TMEM59L: variants seen among roughly 807,000 people sequenced by gnomAD.
TMEM59L encodes the protein transmembrane protein 59 like, also known as transmembrane protein 59-like.
A neutral mutation model predicts 39.6 loss-of-function variants in TMEM59L; 31 were observed. The observed-to-expected ratio is 0.78, with a 90% CI of 0.59 to 1.06. TMEM59L has a LOEUF of 1.06. Among genes scored for constraint, TMEM59L ranks in the 50% least tolerant of loss-of-function variants. TMEM59L has a pLI of 0.00. For missense variants in TMEM59L, 441 were observed against 451.3 expected (o/e 0.98, Z 0.21); for synonymous variants, 219 against 202.9 (o/e 1.08, Z -0.68).
chr19:18,618,148 C>T lies in TMEM59L; in HGVS notation c.665-7C>T, dbSNP rs199879621. ...TGGTGGTCGCTGAGTGGCAGCTGATCTCTCAGACCCTGTAGGCCCCCTGGA... is the reference window on the plus strand; with the variant it reads ...TGGTGGTCGCTGAGTGGCAGCTGATTTCTCAGACCCTGTAGGCCCCCTGGA... On this transcript the variant is annotated splice_region_variant and splice_polypyrimidine_tract_variant and intron_variant, in intron 5 of 7. Coordinates refer to ENST00000262817, the MANE Select transcript of TMEM59L (RefSeq NM_012109.3). 1.5e-3 allele frequency: 2,354 copies of T among 1,611,174 alleles called. 1 individual carries two copies. The highest frequency in any genetic ancestry group is 1.8e-3 in the Non-Finnish European group (2,168 of 1,177,582).
At chr19:18,617,830 C>T in intron 5 of TMEM59L, 2 of 424,542 alleles carry the variant, frequency 4.7e-6, no homozygotes, top group South Asian at 4.2e-5. Context: ...TCCTAGGATC[C>T]ATCTCCCAGG....
intron 4 of TMEM59L, 88 bp from the exon 5 acceptor site, chr19:18,616,912 C>G: frequency 1.0e-6 from 1 of 962,930 alleles, no homozygotes. Context: ...ATCAGCTGGG[C>G]GTGGGACATG....
At chr19:18,617,181 C>G (rs1185940300) in intron 5 of TMEM59L, 79 bp downstream of exon 5, 1 of 1,073,442 alleles carries the variant, frequency 9.3e-7, no homozygotes, top group Admixed American at 1.8e-5. Flanking sequence ...AACAGACCTT[C>G]TAGGATCGGG....
chr19:18,612,988 G>A lies in TMEM59L; in HGVS notation c.30G>A (p.Pro10=). The A allele has an allele frequency of 7.5e-7, 1 of 1,330,602 alleles. No individual in the cohort carries two copies. 82.4% of individuals were successfully genotyped at this position (1,330,602 alleles called of 1,614,324 possible). MAAVALMPP[P]LLLLLLLASP... The stretch of plus-strand genomic sequence containing the variant: ...CTGCGGTGGCGCTGATGCCACCGCC[G>A]CTGCTGCTGCTGCTGCTGTTGGCGT... Residue 10 remains proline, a synonymous_variant, in exon 1 of 8, where the codon CCG becomes CCA. Coordinates refer to ENST00000262817, the MANE Select transcript of TMEM59L (RefSeq NM_012109.3). The surrounding 1 kb of genome is among the most constrained non-coding windows in gnomAD (Gnocchi z 6.2).
chr19:18,618,610 T>C, intron 7 of TMEM59L, 118 bp downstream of exon 7: 1 of 816,888 alleles, frequency 1.2e-6, no homozygotes, highest in South Asian at 1.7e-5. Context: ...CAGACATTTT[T>C]TTCTTTTTTC....
chr19:18,617,001 C>T lies in TMEM59L; in HGVS notation c.563C>T (p.Thr188Ile), dbSNP rs1389520023. 6.2e-7 allele frequency: 1 copy of T among 1,606,846 alleles called. No homozygotes were observed. The highest frequency in any genetic ancestry group is 1.3e-5 in the African/African-American group (1 of 74,944). The part of the protein sequence containing the change: ...TDNGKVVVFQ[T>I]QPIVESLGFQ... ...TGTGCTGTCTTGTTCCTGGCCCAGA[C>T]TCAGCCCATAGTGGAGAGCCTCGGC... The change falls in exon 5 of 8, where the codon ACT becomes ATT. Residue 188 changes from threonine (T) to isoleucine (I), a missense_variant and splice_region_variant. Thr to Ile is a moderately conservative substitution (Grantham distance 89, BLOSUM62 -1). Coordinates refer to ENST00000262817, the MANE Select transcript of TMEM59L (RefSeq NM_012109.3).
chr19:18,615,919 A>G, intron 3 of TMEM59L, 56 bp from the exon 4 acceptor site: 2 of 1,581,342 alleles, frequency 1.3e-6, no homozygotes, highest in South Asian at 1.1e-5. Context: ...CCTCCCATTC[A>G]TTGGTTAATG....
At chr19:18,617,362 A>G (rs868126406) in intron 5 of TMEM59L, 4 of 553,074 alleles carry the variant, frequency 7.2e-6, no homozygotes, top group Non-Finnish European at 1.3e-5. Context: ...TGGTCTATTT[A>G]CCAGGGATCC....
Position 18,613,888 on chromosome 19 carries a change from CCTCCGAGT to C in TMEM59L, c.193_200del (p.Glu65LeufsTer2), listed in dbSNP as rs1016555765. The C allele has an allele frequency of 6.2e-7, 1 of 1,612,024 alleles. No individual in the cohort carries two copies. On this transcript the variant is annotated frameshift_variant, in exon 2 of 8. Coordinates refer to ENST00000262817, the MANE Select transcript of TMEM59L (RefSeq NM_012109.3). LOFTEE classifies it high-confidence loss of function. The stretch of plus-strand genomic sequence containing the variant: ...CTCCCCCAGGCGGGGCTGGAGGGCG[CCTCCGAGT>C]CTCCCTATGACAGAGCCGTTCTGAT...
chr19:18,618,941 C>T (rs749933818), intron 7 of TMEM59L, among the ~76,000 whole-genome samples: 6 of 149,624 alleles, frequency 4.0e-5, no homozygotes, highest in Non-Finnish European at 8.9e-5. Flanking sequence ...GTGATCCATC[C>T]GCCTCTGCCT....
rs1976384639 is a variant in TMEM59L, at chr19:18,612,898, C to A, written c.-61C>A. 3.2e-6 allele frequency: 4 copies of A among 1,248,038 alleles called. No homozygotes were observed. The highest frequency in any genetic ancestry group is 4.0e-6 in the Non-Finnish European group (4 of 994,414). The allele number at this position is 1,248,038 out of a possible 1,614,324, so 77.3% of individuals were successfully genotyped here. A position where few individuals can be genotyped will look rare whatever the true frequency, so the allele number is the denominator to read the frequency against. On this transcript the variant is annotated 5_prime_UTR_variant, in exon 1 of 8. The change creates a new upstream start codon in the 5' untranslated region. Coordinates refer to ENST00000262817, the MANE Select transcript of TMEM59L (RefSeq NM_012109.3). The surrounding 1 kb of genome is among the most constrained non-coding windows in gnomAD (Gnocchi z 6.2). ...AGCGCCCCGGTCCCCGCCGCAGCCG[C>A]TGCATCCTCCGTGCCCGGCCTGAGC...
chr19:18,620,212 G>C (rs1976480009), intron 7 of TMEM59L, among the ~76,000 whole-genome samples, 196 bp from the exon 8 acceptor site: 1 of 151,898 alleles, frequency 6.6e-6, no homozygotes, highest in Admixed American at 6.6e-5. Context: ...TGAGAAAGGA[G>C]AATCGCTTGA....
At position 18,618,246 on chromosome 19, in the gene TMEM59L, C is replaced by A. The variant is rs1261199722; in HGVS notation, c.756C>A (p.Asp252Glu). The A allele has an allele frequency of 6.9e-6, 11 of 1,599,130 alleles. No homozygotes were observed. The highest frequency in any genetic ancestry group is 9.3e-6 in the Non-Finnish European group (11 of 1,178,272). Residue 252 changes from aspartate to glutamate, a missense_variant, in exon 6 of 8, where the codon GAC becomes GAA. Transcript: ENST00000262817. The part of the protein sequence containing the change: ...KAKVESEEPQ[D>E]NDFLSCMSRR... ...AGGTGGAGTCTGAAGAGCCACAGGA[C>A]AATGACTTCCTCAGTTGCATGTCCC...
In TMEM59L at chr19:18,614,273, C is replaced by T. The variant is rs114824820; in HGVS notation, c.408+78C>T. 1.5e-3 allele frequency: 2,200 copies of T among 1,462,826 alleles called. 30 individuals are homozygous for T. The African/African-American group carries it at 0.027, about 18-fold the overall frequency. 90.6% of individuals were successfully genotyped at this position (1,462,826 alleles called of 1,614,324 possible). A position where few individuals can be genotyped will look rare whatever the true frequency, so the allele number is the denominator to read the frequency against. On this transcript the variant is annotated intron_variant, in intron 3 of 7. Transcript: ENST00000262817. The stretch of plus-strand genomic sequence containing the variant: ...TCACCCCGTGGGAAATCTTCATTCA[C>T]GTGCAGAGGCTCTGCCAGACTCTGC...
In TMEM59L at chr19:18,613,888, C is replaced by G; in HGVS notation, c.188C>G (p.Ala63Gly). 6.2e-7 allele frequency: 1 copy of G among 1,612,024 alleles called. No homozygotes were observed. Among genetic ancestry groups the G allele is most frequent in the Non-Finnish European group, 8.5e-7 (1 of 1,179,752 alleles). The change falls in exon 2 of 8, where the codon GCC becomes GGC. Residue 63 changes from alanine to glycine, a missense_variant. Physicochemically the swap from Ala to Gly is moderately conservative, Grantham distance 60 (BLOSUM62 0). Transcript: ENST00000262817. Reference protein sequence around the residue: ...PQPSQAGLEGASESPYDRAVL... With the variant: ...PQPSQAGLEGGSESPYDRAVL... ...CTCCCCCAGGCGGGGCTGGAGGGCG[C>G]CTCCGAGTCTCCCTATGACAGAGCC...
chr19:18,620,000 C>T (rs1293052083), intron 7 of TMEM59L, among the ~76,000 whole-genome samples: 9 of 149,922 alleles, frequency 6.0e-5, no homozygotes, highest in Non-Finnish European at 1.2e-4. Context: ...CACACACACA[C>T]ACACACACAC....
In TMEM59L at chr19:18,612,939, C is replaced by G. The variant is rs761504820; in HGVS notation, c.-20C>G. The G allele has an allele frequency of 3.4e-5, 44 of 1,292,158 alleles. No homozygotes were observed. Among genetic ancestry groups the G allele is most frequent in the Non-Finnish European group, 4.1e-5 (42 of 1,024,242 alleles). 80.0% of individuals were successfully genotyped at this position (1,292,158 alleles called of 1,614,324 possible). ...CGGCCTGAGCTGGAGTCCCCCGCGC[C>G]CCCCGCGTTCCGCCCGGCCATGGCT... On this transcript the variant is annotated 5_prime_UTR_variant, in exon 1 of 8. Coordinates refer to ENST00000262817, the MANE Select transcript of TMEM59L (RefSeq NM_012109.3). This position sits in a 1 kb window ranked among gnomAD's most constrained non-coding sequence, Gnocchi z 6.2.
intron 4 of TMEM59L, among the ~76,000 whole-genome samples, chr19:18,616,387 T>TTG (rs1555763013): frequency 6.6e-4 from 100 of 151,550 alleles, no homozygotes; most frequent in African/African-American, 1.9e-3. Flanking sequence ...GTGGTTTTTT[T>TTG]TTGTTGTTGT....
Position 18,613,026 on chromosome 19 carries a change from C to T in TMEM59L, c.68C>T (p.Ala23Val). 3 of 1,392,530 alleles carry T rather than the reference C, an allele frequency of 2.2e-6. No homozygotes were observed. Among genetic ancestry groups the T allele is most frequent in the Non-Finnish European group, 2.8e-6 (3 of 1,074,666 alleles). The allele number at this position is 1,392,530 out of a possible 1,614,324, so 86.3% of individuals were successfully genotyped here. Reference protein sequence around the residue: ...LLLLLASPPAASAPSARDPFA... With the variant: ...LLLLLASPPAVSAPSARDPFA... ...CTGCTGTTGGCGTCGCCGCCCGCCG[C>T]CTCCGCGCCGTCCGCCCGCGATCCC... is the stretch of plus-strand genomic sequence containing the variant. Residue 23 changes from alanine to valine, a missense_variant, in exon 1 of 8, where the codon GCC becomes GTC. Physicochemically the swap from Ala to Val is moderately conservative, Grantham distance 64. Coordinates refer to ENST00000262817, the MANE Select transcript of TMEM59L (RefSeq NM_012109.3).
Sources: allele counts gnomAD v4.1 joint callset (sites outside exome capture counted in the v4.1 genomes callset), GRCh38; gene constraint gnomAD v4.1.1; non-coding constraint Gnocchi (gnomAD v3.1); transcripts MANE v1.5; gene names NCBI Gene and HGNC (gene_info 2026-07-23, HGNC 2026-07-21).